Variants in GOLPH3 observed in about 807,000 individuals in gnomAD.
The protein encoded by GOLPH3 is coat protein GPP34.
In GOLPH3, 14 loss-of-function variants were observed where a neutral mutation model predicts 28.5. The observed-to-expected ratio is 0.49, with a 90% CI of 0.32 to 0.77. The LOEUF (loss-of-function observed/expected upper bound fraction) is 0.77. Ranked by LOEUF, GOLPH3 falls within the 30% of genes least tolerant of loss-of-function variation. The pLI is 0.03. For synonymous variants in GOLPH3, 158 were observed against 159.2 expected (o/e 0.99, Z 0.06); for missense variants, 350 against 393.7 (o/e 0.89, Z 0.94).
intron 1 of GOLPH3, among the ~76,000 whole-genome samples, chr5:32,162,542 T>A (rs1336236315): frequency 6.6e-6 from 1 of 151,704 alleles, no homozygotes; most frequent in African/African-American, 2.4e-5. Flanking sequence ...TAGATGAGCA[T>A]CTGAATTTGA....
chr5:32,141,819 G>C (rs373725493), intron 2 of GOLPH3, among the ~76,000 whole-genome samples: 1 of 152,010 alleles, frequency 6.6e-6, no homozygotes, highest in South Asian at 2.1e-4. Context: ...GGCCGGGCTG[G>C]TCTCCAGCTC....
chr5:32,142,477 G>C (rs1480673807), intron 2 of GOLPH3, among the ~76,000 whole-genome samples: 1 of 149,622 alleles, frequency 6.7e-6, no homozygotes, highest in East Asian at 2.0e-4. Flanking sequence ...GGAGGTGGGG[G>C]GGTCAGCCCC....
Position 32,143,849 on chromosome 5 carries a change from G to C in GOLPH3, c.257C>G (p.Ser86Ter), listed in dbSNP as rs1746136737. The C allele has an allele frequency of 6.3e-7, 1 of 1,584,150 alleles. No individual in the cohort carries two copies. The highest frequency in any genetic ancestry group is 1.9e-5 in the Admixed American group (1 of 53,484). ...TAACATACAGCCACGTAATCCAGAT[G>C]ATATACAGTCATTCCAAAATGATGT... ...GYTSFWNDCI[S>*]SGLRGCMLIE... Residue 86 changes from serine to a stop codon, truncating the protein, a stop_gained, in exon 2 of 4, where the codon TCA becomes TGA. Transcript: ENST00000265070. LOFTEE classifies it high-confidence loss of function.
intron 1 of GOLPH3, among the ~76,000 whole-genome samples, chr5:32,159,593 T>C (rs1373933396): frequency 6.6e-6 from 1 of 152,256 alleles, no homozygotes; most frequent in Non-Finnish European, 1.5e-5. Context: ...TAAGGGTTTT[T>C]CACTAGTGGT....
chr5:32,161,291 T>G (rs1482022628), intron 1 of GOLPH3, among the ~76,000 whole-genome samples: 1 of 149,732 alleles, frequency 6.7e-6, no homozygotes, highest in Non-Finnish European at 1.5e-5. Context: ...TAGTCCCGGC[T>G]ACTTGGAAGG....
chr5:32,165,200 G>C (rs889045799), intron 1 of GOLPH3, among the ~76,000 whole-genome samples: 1 of 151,980 alleles, frequency 6.6e-6, no homozygotes, highest in Non-Finnish European at 1.5e-5. Flanking sequence ...ACACCTGCCA[G>C]GGTTAGGTAA....
At chr5:32,145,255 A>G (rs1401258249) in intron 1 of GOLPH3, among the ~76,000 whole-genome samples, 2 of 152,270 alleles carry the variant, frequency 1.3e-5, no homozygotes, top group African/African-American at 4.8e-5. Context: ...GCGGATAAAC[A>G]AAAACATCAG....
At chr5:32,128,615 C>T (rs1484322537) in intron 3 of GOLPH3, among the ~76,000 whole-genome samples, 3 of 151,754 alleles carry the variant, frequency 2.0e-5, no homozygotes, top group Admixed American at 1.3e-4. Flanking sequence ...GAGCCGAGAT[C>T]GTGCCATTGC....
intron 1 of GOLPH3, among the ~76,000 whole-genome samples, chr5:32,160,070 CT>C: frequency 6.6e-6 from 1 of 152,236 alleles, no homozygotes; most frequent in East Asian, 1.9e-4. Flanking sequence ...AAAGCAAAAA[CT>C]GTAATTATTT....
At chr5:32,162,865 T>A (rs1746619498) in intron 1 of GOLPH3, among the ~76,000 whole-genome samples, 1 of 151,730 alleles carries the variant, frequency 6.6e-6, no homozygotes, top group Admixed American at 6.6e-5. Flanking sequence ...GATCACGAGG[T>A]CAGGAGATCA....
chr5:32,142,370 G>A (rs1178124282), intron 2 of GOLPH3, among the ~76,000 whole-genome samples: 1 of 147,914 alleles, frequency 6.8e-6, no homozygotes, highest in Non-Finnish European at 1.5e-5. Context: ...CCGCCCGGCA[G>A]CCGCCCCGTC....
Position 32,174,104 on chromosome 5 carries a change from G to A in GOLPH3, c.-70C>T. 8 of 1,090,252 alleles carry A rather than the reference G, an allele frequency of 7.3e-6. No individual in the cohort carries two copies. The highest frequency in any genetic ancestry group is 9.3e-6 in the Non-Finnish European group (8 of 859,546). The allele number at this position is 1,090,252 out of a possible 1,614,324, so 67.5% of individuals were successfully genotyped here. On this transcript the variant is annotated 5_prime_UTR_variant, in exon 1 of 4. Transcript: ENST00000265070. Reference sequence around the variant, plus strand: ...CGACCGGGTCGCCCTCCTCCTCCCCGCGCGGCCTCCGATCCGGGTTTCCGT... The same window carrying A: ...CGACCGGGTCGCCCTCCTCCTCCCCACGCGGCCTCCGATCCGGGTTTCCGT...
intron 1 of GOLPH3, 177 bp downstream of exon 1, chr5:32,173,633 G>C (rs1382893876): frequency 2.5e-6 from 1 of 402,098 alleles, no homozygotes; most frequent in East Asian, 4.0e-5. Context: ...GCCGCGCCAG[G>C]GGGTCAACCA....
chr5:32,172,718 C>T (rs1277345643), intron 1 of GOLPH3, among the ~76,000 whole-genome samples: 1 of 150,770 alleles, frequency 6.6e-6, no homozygotes, highest in Non-Finnish European at 1.5e-5. Flanking sequence ...AACAAAAACA[C>T]AAAATTAGCC....
intron 3 of GOLPH3, among the ~76,000 whole-genome samples, chr5:32,129,114 G>A (rs370674736): frequency 1.6e-4 from 24 of 151,852 alleles, no homozygotes; most frequent in Middle Eastern, 3.5e-3. Context: ...CCCGGGAGGC[G>A]GAGGTTGCAG....
chr5:32,153,917 A>G (rs1373137216), intron 1 of GOLPH3, among the ~76,000 whole-genome samples: 1 of 152,208 alleles, frequency 6.6e-6, no homozygotes, highest in African/African-American at 2.4e-5. Context: ...GGATTCCTTG[A>G]AGGAATGACT....
At chr5:32,160,852 G>A (rs1016455274) in intron 1 of GOLPH3, among the ~76,000 whole-genome samples, 1 of 152,168 alleles carries the variant, frequency 6.6e-6, no homozygotes, top group Admixed American at 6.5e-5. Flanking sequence ...CGGACCACGA[G>A]GTCAGGAGAT....
intron 1 of GOLPH3, among the ~76,000 whole-genome samples, chr5:32,168,417 C>T (rs1222373423): frequency 6.6e-6 from 1 of 152,104 alleles, no homozygotes; most frequent in Non-Finnish European, 1.5e-5. Context: ...AGTATTTTAC[C>T]CCATTACATA....
intron 1 of GOLPH3, among the ~76,000 whole-genome samples, chr5:32,173,391 G>A (rs1252937045): frequency 1.3e-5 from 2 of 151,766 alleles, no homozygotes; most frequent in Non-Finnish European, 2.9e-5. Context: ...CCCCTCCCAG[G>A]TCCTAAAGCC....
Sources: allele counts gnomAD v4.1 joint callset (sites outside exome capture counted in the v4.1 genomes callset), GRCh38; gene constraint gnomAD v4.1.1; transcripts MANE v1.5; gene names NCBI Gene and HGNC (gene_info 2026-07-23, HGNC 2026-07-21).